The following POLG2 variants were observed in gnomAD, a reference collection of about 807,000 sequenced individuals.
The protein encoded by POLG2 is DNA polymerase gamma 2, accessory subunit.
Under a neutral mutation model 56.5 loss-of-function variants are expected in POLG2, and 50 were observed. The ratio of observed to expected loss-of-function variants is 0.88; its 90% CI spans 0.71 to 1.12. The LOEUF (loss-of-function observed/expected upper bound fraction) is 1.12, where lower values mean the gene tolerates loss of function less well. Ranked by LOEUF, POLG2 falls within the 50% of genes most tolerant of loss-of-function variation. The pLI is 0.00. For missense variants in POLG2, 584 were observed against 583.3 expected (o/e 1.00, Z -0.01); for synonymous variants, 226 against 222.6 (o/e 1.02, Z -0.14).
rs1555666224 is a variant in POLG2, at chr17:64,480,270, A to C, written c.1292+19T>G. The stretch of plus-strand genomic sequence containing the variant: ...AACTCTTGAATAAATACACTCTTTA[A>C]TGAAAATACAATTCTTACTTCGAAT... On this transcript the variant is annotated intron_variant, in intron 7 of 7. Coordinates refer to ENST00000539111, the MANE Select transcript of POLG2 (RefSeq NM_007215.4). 8.4e-7 allele frequency: 1 copy of C among 1,185,122 alleles called. No individual in the cohort carries two copies. Among genetic ancestry groups the C allele is most frequent in the Admixed American group, 1.8e-5 (1 of 56,790 alleles). 73.4% of individuals were successfully genotyped at this position (1,185,122 alleles called of 1,614,324 possible).
chr17:64,481,910 G>A (rs1371123540), intron 6 of POLG2, among the ~76,000 whole-genome samples: 1 of 151,382 alleles, frequency 6.6e-6, no homozygotes, highest in Non-Finnish European at 1.5e-5. Context: ...AGTTCAAAGG[G>A]GAAAGAAATA....
At chr17:64,480,589 G>A (rs955732083) in intron 6 of POLG2, among the ~76,000 whole-genome samples, 200 bp from the exon 7 acceptor site, 1 of 152,116 alleles carries the variant, frequency 6.6e-6, no homozygotes, top group Non-Finnish European at 1.5e-5. Context: ...AAGTAATTAA[G>A]CATAGCAAAG....
rs2038045258 is a variant in POLG2, at chr17:64,490,806, G to A, written c.959C>T (p.Ser320Phe). The change falls in exon 4 of 8, where the codon TCT becomes TTT. Residue 320 changes from serine to phenylalanine, a missense_variant. By Grantham distance (155) the Ser-to-Phe change is radical. Coordinates refer to ENST00000539111, the MANE Select transcript of POLG2 (RefSeq NM_007215.4). ...ELLHMYPGNV[S>F]KLHGRDGRKN... ...CCAGGTAAAACATACATGTAATTTAGACACATTGCCAGGATACATGTGTAA... is the reference window on the plus strand; with the variant it reads ...CCAGGTAAAACATACATGTAATTTAAACACATTGCCAGGATACATGTGTAA... 1 of 1,611,468 alleles carries A rather than the reference G, an allele frequency of 6.2e-7. No individual in the cohort carries two copies. The highest frequency in any genetic ancestry group is 1.1e-5 in the South Asian group (1 of 91,016).
intron 4 of POLG2, among the ~76,000 whole-genome samples, chr17:64,489,967 C>T (rs943851449): frequency 3.5e-4 from 53 of 152,048 alleles, no homozygotes; most frequent in Middle Eastern, 6.8e-3. Flanking sequence ...GTTCTGTCGC[C>T]AGGCTGCAGT....
intron 3 of POLG2, 59 bp downstream of exon 3, chr17:64,492,608 C>G (rs2038080079): frequency 3.2e-6 from 3 of 944,132 alleles, no homozygotes; most frequent in Non-Finnish European, 5.1e-6. Flanking sequence ...AGAATTACCA[C>G]TGACACATTA....
intron 4 of POLG2, among the ~76,000 whole-genome samples, chr17:64,487,678 T>G (rs2037982427): frequency 1.4e-5 from 2 of 147,438 alleles, no homozygotes; most frequent in Admixed American, 1.3e-4. Context: ...GCGCTTTGAA[T>G]CAAACAAAAT....
chr17:64,490,496 T>C, intron 4 of POLG2: 1 of 375,962 alleles, frequency 2.7e-6, no homozygotes, highest in East Asian at 6.3e-5. Flanking sequence ...ACAAGAGGAA[T>C]TGTTCATTTG....
rs972123989 is a variant in POLG2, at chr17:64,491,446, G to C, written c.796-477C>G. 5 of 860,984 alleles carry C rather than the reference G, an allele frequency of 5.8e-6. No homozygotes were observed. In the Middle Eastern group the frequency reaches 1.9e-3, roughly 329 times the overall value. The allele number at this position is 860,984 out of a possible 1,614,324, so 53.3% of individuals were successfully genotyped here. A position where few individuals can be genotyped will look rare whatever the true frequency, so the allele number is the denominator to read the frequency against. On this transcript the variant is annotated intron_variant, in intron 3 of 7. Coordinates refer to ENST00000539111, the MANE Select transcript of POLG2 (RefSeq NM_007215.4). ...TTCATCTCTACAAATAATAAAAGAA[G>C]TTGCAGTGAGCTGTGATTGTGCAAC... is the stretch of plus-strand genomic sequence containing the variant.
Position 64,490,795 on chromosome 17 carries a change from C to T in POLG2, c.969+1G>A, listed in dbSNP as rs1357925646. The stretch of plus-strand genomic sequence containing the variant: ...ACATAGGAGCTCCAGGTAAAACATA[C>T]ATGTAATTTAGACACATTGCCAGGA... On this transcript the variant is annotated splice_donor_variant, in intron 4 of 7. Coordinates refer to ENST00000539111, the MANE Select transcript of POLG2 (RefSeq NM_007215.4). LOFTEE classifies it high-confidence loss of function. 3.1e-6 allele frequency: 5 copies of T among 1,609,138 alleles called. No individual in the cohort carries two copies. Among genetic ancestry groups the T allele is most frequent in the Non-Finnish European group, 4.3e-6 (5 of 1,175,624 alleles).
intron 7 of POLG2, among the ~76,000 whole-genome samples, chr17:64,479,253 A>G (rs1479102226): frequency 6.9e-6 from 1 of 145,814 alleles, no homozygotes; most frequent in Non-Finnish European, 1.5e-5. Context: ...GCTTGATCTC[A>G]GCTCACTGCA....
intron 7 of POLG2, among the ~76,000 whole-genome samples, chr17:64,479,170 T>C (rs2037815929): frequency 6.7e-6 from 1 of 150,314 alleles, no homozygotes; most frequent in Admixed American, 6.7e-5. Context: ...TCTTTGGACA[T>C]CATCTGAAAG....
At position 64,485,507 on chromosome 17, in the gene POLG2, A is replaced by G. The variant is rs2037934866; in HGVS notation, c.1110+221T>C. On this transcript the variant is annotated intron_variant, in intron 5 of 7. Transcript: ENST00000539111. ...TAGCTGTCTGTTCACAATTAAACAG[A>G]AATGCCTTTGGGATTACTTATTAGG... The G allele has an allele frequency of 5.4e-6, 3 of 558,692 alleles. No homozygotes were observed. The South Asian group carries it at 6.2e-5, about 11-fold the overall frequency. The allele number at this position is 558,692 out of a possible 1,614,324, so 34.6% of individuals were successfully genotyped here.
chr17:64,490,173 T>TCGGCCTCACA (rs2038033203), intron 4 of POLG2, among the ~76,000 whole-genome samples: 1 of 152,128 alleles, frequency 6.6e-6, no homozygotes, highest in South Asian at 2.1e-4. Context: ...TCCTCCCACT[T>TCGGCCTCACA]CGGCCTCACA....
intron 6 of POLG2, among the ~76,000 whole-genome samples, chr17:64,482,385 T>C (rs2037876703): frequency 6.6e-6 from 1 of 151,086 alleles, no homozygotes. Flanking sequence ...GCAGTGGTGC[T>C]ATCTCAGCTC....
intron 3 of POLG2, 144 bp from the exon 4 acceptor site, chr17:64,491,113 A>G (rs2038050905): frequency 1.4e-6 from 1 of 703,914 alleles, no homozygotes; most frequent in Non-Finnish European, 2.4e-6. Flanking sequence ...TACAAATTTT[A>G]AAGTTTATTC....
chr17:64,483,107 T>C (rs1362976248), intron 5 of POLG2, 108 bp from the exon 6 acceptor site: 9 of 620,472 alleles, frequency 1.5e-5, no homozygotes, highest in Non-Finnish European at 2.6e-5. Context: ...AAACAGTTTC[T>C]TAACAGTTAT....
intron 7 of POLG2, among the ~76,000 whole-genome samples, chr17:64,479,728 C>T (rs1598118435): frequency 1.3e-5 from 2 of 151,904 alleles, no homozygotes; most frequent in Admixed American, 6.6e-5. Context: ...GTAGTGGCAG[C>T]GAAGACAGAG....
chr17:64,495,328 C>A (rs563534197), intron 1 of POLG2, among the ~76,000 whole-genome samples: 1 of 152,058 alleles, frequency 6.6e-6, no homozygotes, highest in Non-Finnish European at 1.5e-5. Context: ...ACCTGTAATC[C>A]CAGCACTTTG....
intron 4 of POLG2, chr17:64,487,599 G>A (rs1555667714): frequency 3.0e-5 from 4 of 132,882 alleles, no homozygotes; most frequent in African/African-American, 1.2e-4. Flanking sequence ...GGGTGACAGA[G>A]TGAGACACCA....
Sources: allele counts gnomAD v4.1 joint callset (sites outside exome capture counted in the v4.1 genomes callset), GRCh38; gene constraint gnomAD v4.1.1; transcripts MANE v1.5; gene names NCBI Gene and HGNC (gene_info 2026-07-23, HGNC 2026-07-21).